KIAA1328: variants seen among roughly 807,000 people sequenced by gnomAD.
KIAA1328 encodes protein hinderin.
Under a neutral mutation model 68.1 loss-of-function variants are expected in KIAA1328, and 52 were observed. The ratio of observed to expected loss-of-function variants is 0.76; its 90% CI spans 0.61 to 0.96. The LOEUF is 0.96. Ranked by LOEUF, KIAA1328 falls within the 40% of genes least tolerant of loss-of-function variation. The pLI, the probability that KIAA1328 is intolerant of heterozygous loss-of-function variation, is 0.00. For synonymous variants in KIAA1328, 232 were observed against 239.4 expected (o/e 0.97, Z 0.28); for missense variants, 641 against 677.6 (o/e 0.95, Z 0.60).
chr18:36,853,560 T>TG (rs2047284024), intron 4 of KIAA1328, among the ~76,000 whole-genome samples: 1 of 152,194 alleles, frequency 6.6e-6, no homozygotes, highest in Admixed American at 6.5e-5. Flanking sequence ...TTAGCTTCAA[T>TG]GGCACATTAA....
intron 9 of KIAA1328, among the ~76,000 whole-genome samples, chr18:37,196,160 ATTTG>A (rs1207480218): frequency 2.6e-5 from 4 of 152,104 alleles, no homozygotes; most frequent in African/African-American, 9.7e-5. Flanking sequence ...ACTTGACTAA[ATTTG>A]TTTGTCAATT....
At chr18:36,873,211 A>G (rs570151043) in intron 4 of KIAA1328, among the ~76,000 whole-genome samples, 1 of 152,316 alleles carries the variant, frequency 6.6e-6, no homozygotes, top group South Asian at 2.1e-4. Flanking sequence ...AAGCACCAAA[A>G]AGAAACCAGG....
At chr18:37,098,021 A>C (rs192839898) in intron 7 of KIAA1328, among the ~76,000 whole-genome samples, 1 of 152,328 alleles carries the variant, frequency 6.6e-6, no homozygotes, top group East Asian at 1.9e-4. Context: ...ATCTGCAAAC[A>C]GGGACAATTT....
chr18:36,886,665 T>C (rs1432716619), intron 5 of KIAA1328, among the ~76,000 whole-genome samples: 1 of 152,216 alleles, frequency 6.6e-6, no homozygotes, highest in Non-Finnish European at 1.5e-5. Flanking sequence ...AATATGGATG[T>C]AGAAGAGAAG....
chr18:36,974,720 A>G (rs188547383), intron 6 of KIAA1328, among the ~76,000 whole-genome samples: 1 of 152,324 alleles, frequency 6.6e-6, no homozygotes, highest in African/African-American at 2.4e-5. Context: ...AGAAATCTCC[A>G]TACTGTTTTC....
At chr18:37,129,396 A>G (rs1280668906) in intron 7 of KIAA1328, among the ~76,000 whole-genome samples, 1 of 152,218 alleles carries the variant, frequency 6.6e-6, no homozygotes, top group African/African-American at 2.4e-5. Context: ...AATGCAACCT[A>G]CTGCAAAACA....
chr18:37,004,340 A>G (rs558860901), intron 6 of KIAA1328, among the ~76,000 whole-genome samples: 29 of 151,596 alleles, frequency 1.9e-4, no homozygotes, highest in African/African-American at 6.5e-4. Flanking sequence ...TTTTTTCGCT[A>G]TATAACAATC....
At chr18:37,100,787 CA>C (rs1390661341) in intron 7 of KIAA1328, among the ~76,000 whole-genome samples, 1 of 152,180 alleles carries the variant, frequency 6.6e-6, no homozygotes, top group African/African-American at 2.4e-5. Context: ...GGCAGACCGA[CA>C]CCTCACACGG....
intron 7 of KIAA1328, among the ~76,000 whole-genome samples, chr18:37,097,018 G>A (rs1332368410): frequency 6.6e-6 from 1 of 152,054 alleles, no homozygotes; most frequent in Non-Finnish European, 1.5e-5. Context: ...CTCCCATTCT[G>A]TAGATTGCCT....
chr18:36,848,704 C>T (rs1253023310), intron 4 of KIAA1328, among the ~76,000 whole-genome samples: 1 of 150,960 alleles, frequency 6.6e-6, no homozygotes, highest in African/African-American at 2.4e-5. Flanking sequence ...AATAGATGTT[C>T]TTTATCAAAT....
At chr18:37,090,994 A>T (rs189164679) in intron 7 of KIAA1328, among the ~76,000 whole-genome samples, 165 of 152,320 alleles carry the variant, frequency 1.1e-3, no homozygotes, top group African/African-American at 3.7e-3. Flanking sequence ...GATGATGAAT[A>T]CGAAGTAATA....
chr18:36,852,275 G>C (rs956147467), intron 4 of KIAA1328, among the ~76,000 whole-genome samples: 2 of 152,102 alleles, frequency 1.3e-5, no homozygotes, highest in Non-Finnish European at 2.9e-5. Flanking sequence ...TGAGTGTTCT[G>C]TGTATGTCTT....
At chr18:36,928,609 T>A (rs866554091) in intron 5 of KIAA1328, among the ~76,000 whole-genome samples, 4 of 152,280 alleles carry the variant, frequency 2.6e-5, no homozygotes, top group Middle Eastern at 3.4e-3. Flanking sequence ...TTTTTTGATG[T>A]CTTTAACATT....
intron 7 of KIAA1328, among the ~76,000 whole-genome samples, chr18:37,089,095 G>T (rs1203187543): frequency 6.6e-6 from 1 of 151,916 alleles, no homozygotes; most frequent in African/African-American, 2.4e-5. Flanking sequence ...GAGTAATTCT[G>T]CCCCAAAGGT....
At chr18:36,983,797 C>T (rs1359353477) in intron 6 of KIAA1328, among the ~76,000 whole-genome samples, 1 of 152,014 alleles carries the variant, frequency 6.6e-6, no homozygotes, top group Non-Finnish European at 1.5e-5. Context: ...CCCTGATATG[C>T]AAACCAAAGA....
chr18:37,216,389 T>G (rs1250153661), intron 9 of KIAA1328, among the ~76,000 whole-genome samples: 1 of 152,214 alleles, frequency 6.6e-6, no homozygotes, highest in Non-Finnish European at 1.5e-5. Context: ...CTTTCTGCCT[T>G]CATTTTGTTA....
chr18:37,198,112 A>G (rs1378006325), intron 9 of KIAA1328, among the ~76,000 whole-genome samples: 1 of 152,180 alleles, frequency 6.6e-6, no homozygotes, highest in Non-Finnish European at 1.5e-5. Context: ...GATTTTATTT[A>G]TATGAAATGT....
chr18:36,998,762 A>G (rs1321554786), intron 6 of KIAA1328, among the ~76,000 whole-genome samples: 1 of 152,230 alleles, frequency 6.6e-6, no homozygotes, highest in East Asian at 1.9e-4. Flanking sequence ...AGCATCATAG[A>G]TACACCTTTA....
chr18:37,197,763 T>C (rs1422010103), intron 9 of KIAA1328, among the ~76,000 whole-genome samples: 2 of 152,122 alleles, frequency 1.3e-5, no homozygotes, highest in Admixed American at 1.3e-4. Flanking sequence ...TGTAAAGTGG[T>C]ACTGCCACTT....
Sources: allele counts gnomAD v4.1 joint callset (sites outside exome capture counted in the v4.1 genomes callset), GRCh38; gene constraint gnomAD v4.1.1; transcripts MANE v1.5; gene names NCBI Gene and HGNC (gene_info 2026-07-23, HGNC 2026-07-21).